The following DNAH9 variants were observed in gnomAD, a reference collection of about 807,000 sequenced individuals.
DNAH9 encodes the protein DNAH9 variant protein.
Under a neutral mutation model 471.6 loss-of-function variants are expected in DNAH9, and 345 were observed. That is an observed-to-expected ratio of 0.73 (90% CI 0.67 to 0.80). The LOEUF is 0.80. Among genes scored for constraint, DNAH9 ranks in the 30% least tolerant of loss-of-function variants. The pLI is 0.00. For missense variants in DNAH9, 5,407 were observed against 5,609.2 expected (o/e 0.96, Z 1.15); for synonymous variants, 2,093 against 2,123.6 (o/e 0.99, Z 0.40).
rs756305371 is a variant in DNAH9 at position 11,784,331 on chromosome 17, C to T, written c.7853C>T (p.Pro2618Leu). 58 of 1,614,040 alleles carry T rather than the reference C, an allele frequency of 3.6e-5. No homozygotes were observed. Among genetic ancestry groups the T allele is most frequent in the African/African-American group, 3.1e-4 (23 of 74,922 alleles). The part of the protein sequence containing the change: ...RHFSVFVLSF[P>L]GADALSSIYS... ...TTCAGCGTGTTTGTCCTCTCCTTCCCGGGGGCAGATGCCCTGTCCTCTATC... is the reference window on the plus strand; with the variant it reads ...TTCAGCGTGTTTGTCCTCTCCTTCCTGGGGGCAGATGCCCTGTCCTCTATC... The change falls in exon 41 of 69, where the codon CCG (proline) becomes CTG (leucine). Residue 2618 changes from proline (P) to leucine (L), a missense_variant. By Grantham distance (98) the Pro-to-Leu change is moderately conservative. Coordinates refer to ENST00000262442, the MANE Select transcript of DNAH9 (RefSeq NM_001372.4).
At position 11,641,392 on chromosome 17, in the gene DNAH9, G is replaced by A. The variant is rs77668284; in HGVS notation, c.1901+1008G>A. Among the ~76,000 whole-genome samples the A allele has an allele frequency of 6.6e-3, 1,009 of 152,224 alleles. 3 individuals carry two copies. Among genetic ancestry groups the A allele is most frequent in the Non-Finnish European group, 9.4e-3 (640 of 68,032 alleles). On this transcript the variant is annotated intron_variant, in intron 10 of 68. Transcript: ENST00000262442. ...GATTCCATTTTTTCTCAAACTCTGT[G>A]CAGAACTAACAAAGCATGCCTGTGA... is the stretch of plus-strand genomic sequence containing the variant.
At chr17:11,759,071 T>C (rs1360675573) in intron 35 of DNAH9, among the ~76,000 whole-genome samples, 1 of 136,834 alleles carries the variant, frequency 7.3e-6, no homozygotes, top group East Asian at 2.3e-4. Context: ...TTTAGGAAAA[T>C]AGTCTATCCC....
Position 11,744,870 on chromosome 17 carries a change from C to A in DNAH9, c.6185C>A (p.Pro2062His), listed in dbSNP as rs1454666268. 1 of 1,614,188 alleles carries A rather than the reference C, an allele frequency of 6.2e-7. No individual in the cohort carries two copies. The highest frequency in any genetic ancestry group is 1.7e-5 in the Admixed American group (1 of 60,028). Residue 2062 changes from proline to histidine, a missense_variant, in exon 31 of 69, where the codon CCT becomes CAT. Pro to His is a moderately conservative substitution (Grantham distance 77). Around this residue, in one of 3 missense-constraint regions of DNAH9, gnomAD observed 4,636 missense variants for 4,900.3 expected, o/e 0.95. Transcript: ENST00000262442. ...GCAGGATCCCTGAAGAGAGGAGACCCTGACCGGCCTGAGGACCAGGTCCTG... is the reference window on the plus strand; with the variant it reads ...GCAGGATCCCTGAAGAGAGGAGACCATGACCGGCCTGAGGACCAGGTCCTG... ...VVAGSLKRGD[P>H]DRPEDQVLMR...
At chr17:11,678,652 T>C (rs1206606202) in intron 17 of DNAH9, among the ~76,000 whole-genome samples, 3 of 148,316 alleles carry the variant, frequency 2.0e-5, no homozygotes, top group South Asian at 2.1e-4. Context: ...GCTCTGAAGC[T>C]AATTTTAAGA....
intron 1 of DNAH9, among the ~76,000 whole-genome samples, chr17:11,603,204 G>T (rs1345331052): frequency 6.6e-6 from 1 of 152,164 alleles, no homozygotes; most frequent in Admixed American, 6.5e-5. Context: ...TGCTAAGTAA[G>T]CCTTTTATGT....
chr17:11,792,606 C>T (rs974740434), intron 41 of DNAH9, among the ~76,000 whole-genome samples: 7 of 152,124 alleles, frequency 4.6e-5, no homozygotes, highest in African/African-American at 1.7e-4. Flanking sequence ...TGAAACCAAC[C>T]CTGTGGCACA....
chr17:11,652,618 A>G (rs1246620005), intron 13 of DNAH9, 143 bp from the exon 14 acceptor site: 1 of 799,712 alleles, frequency 1.3e-6, no homozygotes, highest in Non-Finnish European at 2.0e-6. Flanking sequence ...AGGAGGGAGA[A>G]TATTCTGACG....
chr17:11,734,808 C>T (rs1259965040), intron 28 of DNAH9, among the ~76,000 whole-genome samples: 1 of 152,176 alleles, frequency 6.6e-6, no homozygotes, highest in South Asian at 2.1e-4. Flanking sequence ...ACCGATGCTC[C>T]GAAGTTATCT....
intron 50 of DNAH9, among the ~76,000 whole-genome samples, chr17:11,856,541 T>C (rs371371818): frequency 5.4e-4 from 10 of 18,358 alleles, no homozygotes; most frequent in African/African-American, 1.9e-3. Context: ...TTACTAAAAA[T>C]ACAAAAAAAA....
chr17:11,765,188 A>G (rs539587593), intron 36 of DNAH9, among the ~76,000 whole-genome samples: 8 of 152,326 alleles, frequency 5.3e-5, no homozygotes, highest in Admixed American at 2.0e-4. Flanking sequence ...CATGCAAGGT[A>G]CTTAGCACAA....
intron 23 of DNAH9, among the ~76,000 whole-genome samples, chr17:11,700,310 TG>T (rs2074567525): frequency 6.6e-6 from 1 of 152,166 alleles, no homozygotes; most frequent in Admixed American, 6.5e-5. Flanking sequence ...TTTCCTGAGA[TG>T]TCCCCTCTCT....
At position 11,756,651 on chromosome 17, in the gene DNAH9, C is replaced by A; in HGVS notation, c.6822C>A (p.Ala2274=). Residue 2274 remains alanine (A), a synonymous_variant, in exon 34 of 69, where the codon GCC becomes GCA. Coordinates refer to ENST00000262442, the MANE Select transcript of DNAH9 (RefSeq NM_001372.4). ...LLFEISHLRT[A]TPATVSRAGI... is the part of the protein sequence containing the mutation. ...TTGAGATCAGCCACCTGCGCACAGCCACTCCAGCAACTGTCTCTAGAGCAG... is the reference window on the plus strand; with the variant it reads ...TTGAGATCAGCCACCTGCGCACAGCAACTCCAGCAACTGTCTCTAGAGCAG... The A allele has an allele frequency of 6.2e-7, 1 of 1,611,990 alleles. No homozygotes were observed. Among genetic ancestry groups the A allele is most frequent in the Non-Finnish European group, 8.5e-7 (1 of 1,178,078 alleles).
chr17:11,598,531 G>C lies in DNAH9; in HGVS notation c.33G>C (p.Ala11=), dbSNP rs2072306784. ...TCGCGGAGGAGCGGGCCGCGCTCGC[G>C]GCGGAGAACGCGGATGGGGAACCCG... MRLAEERAAL[A]AENADGEPGA... Residue 11 remains alanine, a synonymous_variant, in exon 1 of 69, where the codon GCG becomes GCC. Coordinates refer to ENST00000262442, the MANE Select transcript of DNAH9 (RefSeq NM_001372.4). 7.1e-7 allele frequency: 1 copy of C among 1,401,156 alleles called. No individual in the cohort carries two copies. Among genetic ancestry groups the C allele is most frequent in the Admixed American group, 3.3e-5 (1 of 30,652 alleles). 86.8% of individuals were successfully genotyped at this position (1,401,156 alleles called of 1,614,324 possible).
chr17:11,818,027 A>C (rs11078034), intron 45 of DNAH9, among the ~76,000 whole-genome samples: 57,311 of 152,142 alleles, frequency 0.38, 12,964 homozygotes, highest in Non-Finnish European at 0.51. Flanking sequence ...ACAGTAGTTC[A>C]AGAAAGTGCA....
chr17:11,952,309 CTTTTTTTTTTTTTTTTT>C (rs753276964), intron 67 of DNAH9, among the ~76,000 whole-genome samples: 6 of 71,078 alleles, frequency 8.4e-5, no homozygotes, highest in South Asian at 5.6e-4. Context: ...CCAGCTAATT[CTTTTTTTTTTTTTTTTT>C]TTTTTTTTTT....
At chr17:11,764,721 T>A (rs1378297313) in intron 36 of DNAH9, among the ~76,000 whole-genome samples, 1 of 150,312 alleles carries the variant, frequency 6.7e-6, no homozygotes, top group East Asian at 1.9e-4. Context: ...AAAAAAAAAA[T>A]TGCGAAGAGG....
At chr17:11,853,371 G>T (rs971561468) in intron 49 of DNAH9, 1 of 152,712 alleles carries the variant, frequency 6.5e-6, no homozygotes, top group African/African-American at 2.4e-5. Flanking sequence ...GCAAGTTCTG[G>T]AAGGTTTAAG....
In DNAH9 at chr17:11,654,247, T is replaced by G. The variant is rs558859958; in HGVS notation, c.2595+1245T>G. ...GGCGGGCGCCTGTAGTCCCAGCTAC[T>G]CGGGAGGCTGAGGCAGGAGAATGGC... On this transcript the variant is annotated intron_variant, in intron 14 of 68. Transcript: ENST00000262442. Among the ~76,000 whole-genome samples the G allele has an allele frequency of 6.9e-3, 653 of 95,052 alleles. 123 individuals are homozygous for G. Among genetic ancestry groups the G allele is most frequent in the African/African-American group, 0.024 (634 of 26,846 alleles). 62.4% of individuals were successfully genotyped at this position (95,052 alleles called of 152,430 possible). A position where few individuals can be genotyped will look rare whatever the true frequency, so the allele number is the denominator to read the frequency against.
At chr17:11,905,949 G>T in intron 61 of DNAH9, 140 bp downstream of exon 61, 5 of 1,174,062 alleles carry the variant, frequency 4.3e-6, no homozygotes, top group Non-Finnish European at 2.3e-6. Context: ...GGTCATTGCT[G>T]AAATAAAATC....
Sources: gnomAD v4.1 joint callset for allele counts (sites outside exome capture counted in the v4.1 genomes callset) on GRCh38, gnomAD v4.1.1 for gene constraint, gnomAD v4.1.1 regional missense constraint, MANE v1.5 for transcripts, NCBI Gene and HGNC (gene_info 2026-07-23, HGNC 2026-07-21) for gene names.